Variants in MDGA2 observed in about 807,000 individuals in gnomAD.
MDGA2 encodes the protein MAM domain-containing glycosylphosphatidylinositol anchor protein 2.
MDGA2 carries 40 observed loss-of-function variants against 117.8 expected under a neutral mutation model. That is an observed-to-expected ratio of 0.34 (90% CI 0.26 to 0.44). The LOEUF (loss-of-function observed/expected upper bound fraction) is 0.44. Ranked by LOEUF, MDGA2 falls within the 20% of genes least tolerant of loss-of-function variation. The pLI, the probability that MDGA2 is intolerant of heterozygous loss-of-function variation, is 1.00. For missense variants in MDGA2, 1,123 were observed against 1,250.6 expected (o/e 0.90, Z 1.54); for synonymous variants, 452 against 439.0 (o/e 1.03, Z -0.37).
At chr14:47,053,620 T>TAC (rs1889539631) in intron 7 of MDGA2, among the ~76,000 whole-genome samples, 3 of 103,322 alleles carry the variant, frequency 2.9e-5, no homozygotes, top group Admixed American at 8.7e-5. Context: ...TATATATATA[T>TAC]ATATATATAT....
At chr14:47,173,444 G>T (rs149925169) in intron 3 of MDGA2, among the ~76,000 whole-genome samples, 2 of 151,980 alleles carry the variant, frequency 1.3e-5, no homozygotes, top group Admixed American at 6.6e-5. Flanking sequence ...GACTAACAGC[G>T]GATCTCTCGG....
At chr14:46,956,293 TGAG>T (rs1249249078) in intron 9 of MDGA2, among the ~76,000 whole-genome samples, 2 of 152,158 alleles carry the variant, frequency 1.3e-5, no homozygotes, top group East Asian at 3.9e-4. Flanking sequence ...ACAAAGAAAA[TGAG>T]GAGTATTTTC....
At chr14:47,254,805 G>A (rs1018337028) in intron 2 of MDGA2, among the ~76,000 whole-genome samples, 2 of 152,164 alleles carry the variant, frequency 1.3e-5, no homozygotes, top group Non-Finnish European at 1.5e-5. Flanking sequence ...GCCCAAGACT[G>A]GGTAATTTAT....
intron 8 of MDGA2, among the ~76,000 whole-genome samples, chr14:46,962,773 A>C (rs1231257152): frequency 6.6e-6 from 1 of 152,200 alleles, no homozygotes; most frequent in South Asian, 2.1e-4. Flanking sequence ...ACAGTTATTA[A>C]GATAGCTCAG....
chr14:46,960,949 TACAC>T (rs57182570), intron 8 of MDGA2, among the ~76,000 whole-genome samples: 6,354 of 147,820 alleles, frequency 0.043, 211 homozygotes, highest in South Asian at 0.11. Flanking sequence ...TATATATATA[TACAC>T]ACACACACAC....
At chr14:47,556,898 T>C (rs1357354430) in intron 1 of MDGA2, among the ~76,000 whole-genome samples, 2 of 152,192 alleles carry the variant, frequency 1.3e-5, no homozygotes, top group Non-Finnish European at 2.9e-5. Flanking sequence ...AAAAATTTAA[T>C]GCACACAATA....
chr14:47,294,154 G>A (rs995167754), intron 2 of MDGA2, among the ~76,000 whole-genome samples: 1 of 146,178 alleles, frequency 6.8e-6, no homozygotes, highest in Non-Finnish European at 1.5e-5. Context: ...TTTCGCCCAG[G>A]CAAGATCAGG....
intron 10 of MDGA2, among the ~76,000 whole-genome samples, chr14:46,888,507 A>G (rs1595023006): frequency 6.6e-6 from 1 of 152,110 alleles, no homozygotes; most frequent in East Asian, 1.9e-4. Context: ...CAAGTACCCT[A>G]AAGTGAGACT....
chr14:47,104,443 AC>A (rs372001524), intron 5 of MDGA2, among the ~76,000 whole-genome samples: 41,281 of 118,846 alleles, frequency 0.35, 6,437 homozygotes, highest in East Asian at 0.51. Context: ...GCACCTTGTG[AC>A]CCCCCACTCC....
intron 6 of MDGA2, among the ~76,000 whole-genome samples, chr14:47,076,700 C>A (rs373330226): frequency 6.6e-6 from 1 of 151,904 alleles, no homozygotes; most frequent in Non-Finnish European, 1.5e-5. Flanking sequence ...GAACCATGCA[C>A]CTTTATTTGG....
chr14:47,381,905 A>G (rs1184639966), intron 1 of MDGA2, among the ~76,000 whole-genome samples: 1 of 152,162 alleles, frequency 6.6e-6, no homozygotes, highest in Non-Finnish European at 1.5e-5. Context: ...CATTGCCAAG[A>G]CAATCCTAAG....
intron 1 of MDGA2, among the ~76,000 whole-genome samples, chr14:47,594,390 G>A (rs193264374): frequency 6.6e-6 from 1 of 152,310 alleles, no homozygotes; most frequent in East Asian, 1.9e-4. Context: ...TTAGCATAAT[G>A]TCTTGAGAGC....
intron 1 of MDGA2, among the ~76,000 whole-genome samples, chr14:47,632,971 G>A (rs371589417): frequency 1.3e-5 from 2 of 152,040 alleles, no homozygotes; most frequent in East Asian, 3.9e-4. Flanking sequence ...TTAAAATGAG[G>A]ATAATGGAAA....
At position 47,674,568 on chromosome 14, in the gene MDGA2, C is replaced by T. The variant is rs199572610; in HGVS notation, c.229G>A (p.Val77Met). 2 of 1,551,412 alleles carry T rather than the reference C, an allele frequency of 1.3e-6. No individual in the cohort carries two copies. Among genetic ancestry groups the T allele is most frequent in the Non-Finnish European group, 1.7e-6 (2 of 1,146,896 alleles). ...HVKMDLLYGL[V>M]WLLTVLLEGI... is the part of the protein sequence containing the mutation. Reference sequence around the variant, plus strand: ...TCCAGGAGGACTGTCAGCAGCCACACGAGACCGTACAGTAAATCCATCTTC... The same window carrying T: ...TCCAGGAGGACTGTCAGCAGCCACATGAGACCGTACAGTAAATCCATCTTC... Residue 77 changes from valine (V) to methionine (M), a missense_variant, in exon 1 of 17, where the codon GTG becomes ATG. Physicochemically the swap from Val to Met is conservative, Grantham distance 21 (BLOSUM62 1). Coordinates refer to ENST00000399232, the MANE Select transcript of MDGA2 (RefSeq NM_001113498.3).
chr14:47,228,185 C>A (rs1020140432), intron 2 of MDGA2, among the ~76,000 whole-genome samples: 1 of 152,094 alleles, frequency 6.6e-6, no homozygotes, highest in Admixed American at 6.6e-5. Flanking sequence ...AATACTGGAT[C>A]TGTGATAGAC....
chr14:47,602,127 A>G (rs757311815), intron 1 of MDGA2, among the ~76,000 whole-genome samples: 1 of 152,188 alleles, frequency 6.6e-6, no homozygotes, highest in Non-Finnish European at 1.5e-5. Context: ...ATGCTAACAA[A>G]CTATTTTTTT....
intron 1 of MDGA2, among the ~76,000 whole-genome samples, chr14:47,374,412 C>T (rs541674391): frequency 1.2e-3 from 177 of 152,154 alleles, no homozygotes; most frequent in Non-Finnish European, 1.7e-3. Context: ...AGCAAGATTG[C>T]CAGACCGTAA....
chr14:47,587,509 G>A (rs1896347959), intron 1 of MDGA2, among the ~76,000 whole-genome samples: 1 of 151,728 alleles, frequency 6.6e-6, no homozygotes, highest in South Asian at 2.1e-4. Context: ...CTTGTTGTTA[G>A]GGAGGTCACT....
chr14:46,977,447 ATT>A (rs1886507894), intron 8 of MDGA2, among the ~76,000 whole-genome samples: 2 of 151,972 alleles, frequency 1.3e-5, no homozygotes, highest in Non-Finnish European at 2.9e-5. Context: ...CCCTAACTAT[ATT>A]AGTAAGTAAT....
Sources: gnomAD v4.1 joint callset for allele counts (sites outside exome capture counted in the v4.1 genomes callset) on GRCh38, gnomAD v4.1.1 for gene constraint, MANE v1.5 for transcripts, NCBI Gene and HGNC (gene_info 2026-07-23, HGNC 2026-07-21) for gene names.